Variants in NAT2 observed in about 807,000 individuals in gnomAD.
NAT2 encodes N-acetyltransferase 2, also known as arylamine N-acetyltransferase 2.
For missense variants in NAT2, 428 were observed against 339.1 expected (o/e 1.26, Z -2.06); for synonymous variants, 137 against 125.9 (o/e 1.09, Z -0.59).
At chr8:18,394,018 C>T (rs1326481894) in intron 1 of NAT2, among the ~76,000 whole-genome samples, 1 of 152,128 alleles carries the variant, frequency 6.6e-6, no homozygotes, top group Non-Finnish European at 1.5e-5. Flanking sequence ...CACCTGGGTG[C>T]AGGCGGGCTG....
At chr8:18,396,425 A>G (rs1197787679) in intron 1 of NAT2, among the ~76,000 whole-genome samples, 1 of 151,682 alleles carries the variant, frequency 6.6e-6, no homozygotes, top group Admixed American at 6.6e-5. Flanking sequence ...AATCTAAAAA[A>G]TTTTTTTTTG....
upstream of NAT2, among the ~76,000 whole-genome samples, chr8:18,386,547 C>G (rs28613468): frequency 6.6e-6 from 1 of 152,192 alleles, no homozygotes; most frequent in Non-Finnish European, 1.5e-5. Flanking sequence ...TGGGCTCCAG[C>G]TTCTCCCGAG....
upstream of NAT2, among the ~76,000 whole-genome samples, chr8:18,389,061 T>TC (rs1215538728): frequency 6.6e-6 from 1 of 152,190 alleles, no homozygotes; most frequent in East Asian, 1.9e-4. Flanking sequence ...GTCACAAGTC[T>TC]CCTCATCTCA....
At chr8:18,390,766 T>C (rs985346650), upstream of NAT2, among the ~76,000 whole-genome samples, 7 of 152,164 alleles carry the variant, frequency 4.6e-5, no homozygotes, top group Admixed American at 3.3e-4. Flanking sequence ...GTGACACTTA[T>C]ACCACATGCA....
At chr8:18,388,182 A>C (rs983663913), upstream of NAT2, among the ~76,000 whole-genome samples, 15 of 152,244 alleles carry the variant, frequency 9.9e-5, no homozygotes, top group African/African-American at 3.6e-4. Flanking sequence ...TTAAACTGTC[A>C]AGTTTGTCTA....
chr8:18,388,967 GCT>G (rs1269887655), upstream of NAT2, among the ~76,000 whole-genome samples: 6 of 152,132 alleles, frequency 3.9e-5, no homozygotes. Context: ...GTATTCTCAA[GCT>G]CTCTGACATC....
In NAT2 at chr8:18,399,997, G is replaced by T. The variant is rs775647826; in HGVS notation, c.-6-1G>T. ...TTTTATGTTTTGTTTTTCTTGCTTA[G>T]GGGATCATGGACATTGAAGCATATT... On this transcript the variant is annotated splice_acceptor_variant, in intron 1 of 1. Coordinates refer to ENST00000286479, the MANE Select transcript of NAT2 (RefSeq NM_000015.3). LOFTEE classifies it low-confidence loss of function (5UTR_SPLICE). 5 of 1,559,752 alleles carry T rather than the reference G, an allele frequency of 3.2e-6. No individual in the cohort carries two copies. The highest frequency in any genetic ancestry group is 3.5e-6 in the Non-Finnish European group (4 of 1,152,490).
intron 1 of NAT2, among the ~76,000 whole-genome samples, chr8:18,392,686 A>T (rs1585135596): frequency 6.6e-6 from 1 of 152,208 alleles, no homozygotes; most frequent in East Asian, 1.9e-4. Context: ...GTTGACACTC[A>T]ATATTAACCA....
chr8:18,400,162 G>A lies in NAT2; in HGVS notation c.159G>A (p.Glu53=). ...HCGQAMELGL[E]AIFDHIVRRN... ...GGCAAGCCATGGAGTTGGGCTTAGA[G>A]GCTATTTTTGATCACATTGTAAGAA... The change falls in exon 2 of 2, where the codon GAG becomes GAA. Residue 53 remains glutamate (E), a synonymous_variant. Transcript: ENST00000286479. 6.2e-7 allele frequency: 1 copy of A among 1,613,920 alleles called. No individual in the cohort carries two copies. Among genetic ancestry groups the A allele is most frequent in the South Asian group, 1.1e-5 (1 of 91,070 alleles).
chr8:18,390,745 A>G (rs900000398), upstream of NAT2, among the ~76,000 whole-genome samples: 1 of 152,184 alleles, frequency 6.6e-6, no homozygotes, highest in Non-Finnish European at 1.5e-5. Context: ...AAACAAAGCC[A>G]TATGATACAT....
At chr8:18,397,660 G>C (rs1800716639) in intron 1 of NAT2, among the ~76,000 whole-genome samples, 1 of 152,182 alleles carries the variant, frequency 6.6e-6, no homozygotes, top group African/African-American at 2.4e-5. Context: ...ACATTGGTTA[G>C]AGCAATAAGG....
At chr8:18,398,635 C>T (rs893511264) in intron 1 of NAT2, among the ~76,000 whole-genome samples, 1 of 152,184 alleles carries the variant, frequency 6.6e-6, no homozygotes, top group Admixed American at 6.5e-5. Context: ...TATGCTGGTA[C>T]TAAGAGTCAC....
chr8:18,394,387 G>T (rs1318233564), intron 1 of NAT2, among the ~76,000 whole-genome samples: 1 of 152,072 alleles, frequency 6.6e-6, no homozygotes, highest in Non-Finnish European at 1.5e-5. Flanking sequence ...AATAAGTTTT[G>T]TTACTATACT....
intron 1 of NAT2, 85 bp from the exon 2 acceptor site, chr8:18,399,913 A>G (rs763803035): frequency 6.1e-5 from 85 of 1,403,882 alleles, no homozygotes; most frequent in Non-Finnish European, 7.9e-5. Context: ...TACGTATTTA[A>G]AATACGTTAT....
At chr8:18,399,155 A>G (rs1467339381) in intron 1 of NAT2, among the ~76,000 whole-genome samples, 1 of 152,178 alleles carries the variant, frequency 6.6e-6, no homozygotes, top group Non-Finnish European at 1.5e-5. Flanking sequence ...CACTTGGGAC[A>G]GGTTCCAGCT....
chr8:18,400,018 A>G lies in NAT2; in HGVS notation c.15A>G (p.Ala5=). The G allele has an allele frequency of 1.3e-6, 2 of 1,588,964 alleles. No homozygotes were observed. Among genetic ancestry groups the G allele is most frequent in the Non-Finnish European group, 1.7e-6 (2 of 1,165,522 alleles). MDIE[A]YFERIGYKNS... is the part of the protein sequence containing the mutation. ...CTTAGGGGATCATGGACATTGAAGCATATTTTGAAAGAATTGGCTATAAGA... is the reference window on the plus strand; with the variant it reads ...CTTAGGGGATCATGGACATTGAAGCGTATTTTGAAAGAATTGGCTATAAGA... The change falls in exon 2 of 2, where the codon GCA becomes GCG. Residue 5 remains alanine (A), a synonymous_variant. Coordinates refer to ENST00000286479, the MANE Select transcript of NAT2 (RefSeq NM_000015.3).
At chr8:18,392,323 A>G (rs926511126) in intron 1 of NAT2, among the ~76,000 whole-genome samples, 48 of 152,194 alleles carry the variant, frequency 3.2e-4, no homozygotes, top group African/African-American at 1.1e-3. Flanking sequence ...AGGAGCAAGG[A>G]AGCCAGTCCG....
At chr8:18,391,944 G>A (rs538677009) in intron 1 of NAT2, among the ~76,000 whole-genome samples, 88 of 152,230 alleles carry the variant, frequency 5.8e-4, no homozygotes, top group Middle Eastern at 3.4e-3. Context: ...TGTACTGACC[G>A]CAAGTCTTTA....
chr8:18,398,985 C>G (rs1268419700), intron 1 of NAT2, among the ~76,000 whole-genome samples: 1 of 152,192 alleles, frequency 6.6e-6, no homozygotes, highest in Non-Finnish European at 1.5e-5. Context: ...TAACCCTTCT[C>G]TCATCCTGTC....
Sources: gnomAD v4.1 joint callset for allele counts (sites outside exome capture counted in the v4.1 genomes callset) on GRCh38, gnomAD v4.1.1 for gene constraint, MANE v1.5 for transcripts, NCBI Gene and HGNC (gene_info 2026-07-23, HGNC 2026-07-21) for gene names.